The following CUL3 variants were observed in gnomAD, a reference collection of about 807,000 sequenced individuals.
CUL3 encodes the protein cullin-3.
A neutral mutation model predicts 89.1 loss-of-function variants in CUL3; 19 were observed. That is an observed-to-expected ratio of 0.21 (90% CI 0.15 to 0.31). The LOEUF is 0.31. Among genes scored for constraint, CUL3 ranks in the 10% least tolerant of loss-of-function variants. The pLI is 1.00. For missense variants in CUL3, 469 were observed against 942.3 expected, an observed-to-expected ratio of 0.50 and a Z score of 6.58; for synonymous variants, 351 against 308.4, an observed-to-expected ratio of 1.14 and a Z score of -1.45.
intron 3 of CUL3, among the ~76,000 whole-genome samples, chr2:224,516,866 C>T (rs1198110609): frequency 2.6e-5 from 4 of 151,842 alleles, no homozygotes; most frequent in Non-Finnish European, 5.9e-5. Flanking sequence ...AGGATGGTCT[C>T]CATCTCCTAA....
intron 2 of CUL3, 67 bp from the exon 3 acceptor site, chr2:224,535,708 A>AT: frequency 1.1e-6 from 1 of 876,336 alleles, no homozygotes; most frequent in Non-Finnish European, 1.9e-6. Context: ...AGGCATGCAC[A>AT]TATCTGTTTA....
chr2:224,488,435 T>G (rs1691826670), intron 13 of CUL3, among the ~76,000 whole-genome samples: 1 of 151,960 alleles, frequency 6.6e-6, no homozygotes, highest in Non-Finnish European at 1.5e-5. Flanking sequence ...AAAGTGGATA[T>G]CACCACCGAT....
intron 6 of CUL3, among the ~76,000 whole-genome samples, chr2:224,508,042 CTA>C (rs1372711691): frequency 6.6e-6 from 1 of 151,270 alleles, no homozygotes; most frequent in African/African-American, 2.4e-5. Flanking sequence ...TTCAGTGTGA[CTA>C]TGTTTCAAAT....
chr2:224,477,250 C>A (rs1316879312), intron 15 of CUL3, among the ~76,000 whole-genome samples: 2 of 152,164 alleles, frequency 1.3e-5, no homozygotes, highest in Non-Finnish European at 2.9e-5. Flanking sequence ...TGATTCAATT[C>A]TCAGGCTCTG....
At chr2:224,548,951 G>A (rs377396911) in intron 2 of CUL3, among the ~76,000 whole-genome samples, 2 of 151,950 alleles carry the variant, frequency 1.3e-5, no homozygotes, top group Non-Finnish European at 2.9e-5. Flanking sequence ...GCAGTGAACC[G>A]AGATTGTGCC....
At chr2:224,492,237 AT>A (rs540924935) in intron 13 of CUL3, among the ~76,000 whole-genome samples, 128 of 152,226 alleles carry the variant, frequency 8.4e-4, no homozygotes, top group Non-Finnish European at 1.6e-3. Context: ...AATTTCCTAT[AT>A]CCCCCTTTTC....
chr2:224,503,841 G>A lies in CUL3; in HGVS notation c.1207-19C>T, dbSNP rs2106197835. 6.6e-7 allele frequency: 1 copy of A among 1,512,900 alleles called. No homozygotes were observed. The highest frequency in any genetic ancestry group is 8.8e-7 in the Non-Finnish European group (1 of 1,130,418). The allele number at this position is 1,512,900 out of a possible 1,614,324, so 93.7% of individuals were successfully genotyped here. On this transcript the variant is annotated intron_variant, in intron 8 of 15. Transcript: ENST00000264414. ...CTGTTAGCTGCAAAATTAAGATGAT[G>A]TAACAATTATACAATTTTAGTTCTA... is the stretch of plus-strand genomic sequence containing the variant.
intron 14 of CUL3, among the ~76,000 whole-genome samples, chr2:224,481,498 T>C (rs566525330): frequency 3.8e-4 from 58 of 152,186 alleles, no homozygotes; most frequent in Non-Finnish European, 7.4e-5. Flanking sequence ...AAAATATAAA[T>C]AGCAACATCC....
intron 1 of CUL3, 108 bp downstream of exon 1, chr2:224,584,836 A>C (rs1015600999): frequency 1.5e-6 from 1 of 658,270 alleles, no homozygotes; most frequent in Non-Finnish European, 2.0e-6. Flanking sequence ...GGCGTGGGGG[A>C]GGGGAGGCCG....
At chr2:224,569,425 T>A (rs1375672069) in intron 1 of CUL3, among the ~76,000 whole-genome samples, 2 of 152,162 alleles carry the variant, frequency 1.3e-5, no homozygotes, top group Non-Finnish European at 2.9e-5. Flanking sequence ...TAATTAAGGA[T>A]TCTTAAATGT....
At chr2:224,509,463 T>C (rs1692731575) in intron 6 of CUL3, among the ~76,000 whole-genome samples, 1 of 152,208 alleles carries the variant, frequency 6.6e-6, no homozygotes, top group African/African-American at 2.4e-5. Context: ...GCGATCCACC[T>C]GCTTCAGCCT....
At chr2:224,518,654 C>T (rs1011306063) in intron 3 of CUL3, among the ~76,000 whole-genome samples, 10 of 152,206 alleles carry the variant, frequency 6.6e-5, no homozygotes, top group Admixed American at 5.9e-4. Flanking sequence ...GGCTATGTGA[C>T]CTTAAGTCAC....
At chr2:224,553,787 T>G (rs1473336021) in intron 2 of CUL3, among the ~76,000 whole-genome samples, 2 of 152,188 alleles carry the variant, frequency 1.3e-5, no homozygotes, top group African/African-American at 4.8e-5. Flanking sequence ...AAAATGAACC[T>G]GCAAGCACCT....
intron 13 of CUL3, 147 bp from the exon 14 acceptor site, chr2:224,482,225 C>G (rs1315540687): frequency 1.8e-6 from 1 of 543,952 alleles, no homozygotes; most frequent in African/African-American, 2.0e-5. Context: ...AGTACTATGA[C>G]ACATCATTAA....
rs1439842109 is a variant in CUL3, at chr2:224,472,970, T to A, written c.*1275A>T. ...CCCATTACATATCTGAAACATTGTC[T>A]TATGAAAACAAAATGAAACAAAATT... On this transcript the variant is annotated 3_prime_UTR_variant, in exon 16 of 16. Coordinates refer to ENST00000264414, the MANE Select transcript of CUL3 (RefSeq NM_003590.5). 2.9e-5 allele frequency: 6 copies of A among 206,788 alleles called. No individual in the cohort carries two copies. Among genetic ancestry groups the A allele is most frequent in the African/African-American group, 6.8e-5 (3 of 43,888 alleles). The allele number at this position is 206,788 out of a possible 1,614,324, so 12.8% of individuals were successfully genotyped here. A position where few individuals can be genotyped will look rare whatever the true frequency, so the allele number is the denominator to read the frequency against.
At chr2:224,500,163 A>G in intron 11 of CUL3, 200 bp downstream of exon 11, 1 of 492,010 alleles carries the variant, frequency 2.0e-6, no homozygotes, top group Admixed American at 3.4e-5. Flanking sequence ...CTTTCTAGAG[A>G]TAAATTATGC....
At chr2:224,553,523 A>G (rs1185886054) in intron 2 of CUL3, among the ~76,000 whole-genome samples, 1 of 152,224 alleles carries the variant, frequency 6.6e-6, no homozygotes, top group Admixed American at 6.5e-5. Context: ...AACTGCCTAT[A>G]TTCTGAAATG....
chr2:224,559,478 A>T (rs1694836896), intron 1 of CUL3, among the ~76,000 whole-genome samples: 1 of 151,068 alleles, frequency 6.6e-6, no homozygotes, highest in African/African-American at 2.4e-5. Context: ...AAAAAATGTC[A>T]GTTTCCTATG....
At position 224,472,637 on chromosome 2, in the gene CUL3, T is replaced by C. The variant is rs188403358; in HGVS notation, c.*1608A>G. On this transcript the variant is annotated 3_prime_UTR_variant, in exon 16 of 16. Coordinates refer to ENST00000264414, the MANE Select transcript of CUL3 (RefSeq NM_003590.5). ...TTGCATCATGTAGAAGTGGAAAATG[T>C]AGAGATAAAGAGCACAAGGCTTGTA... 3.7e-5 allele frequency: 7 copies of C among 190,238 alleles called. No individual in the cohort carries two copies. The Admixed American group carries it at 4.3e-4, about 12-fold the overall frequency. 11.8% of individuals were successfully genotyped at this position (190,238 alleles called of 1,614,324 possible). A position where few individuals can be genotyped will look rare whatever the true frequency, so the allele number is the denominator to read the frequency against.
Sources: gnomAD v4.1 joint callset for allele counts (sites outside exome capture counted in the v4.1 genomes callset) on GRCh38, gnomAD v4.1.1 for gene constraint, MANE v1.5 for transcripts, NCBI Gene and HGNC (gene_info 2026-07-23, HGNC 2026-07-21) for gene names.